Variants in TMEM132D observed in about 807,000 individuals in gnomAD.
The protein encoded by TMEM132D is mature OL transmembrane protein.
In TMEM132D, 21 loss-of-function variants were observed where a neutral mutation model predicts 62.3. The observed-to-expected ratio is 0.34, with a 90% CI of 0.24 to 0.49. The LOEUF is 0.49. Among genes scored for constraint, TMEM132D ranks in the 20% least tolerant of loss-of-function variants. The probability of loss-of-function intolerance (pLI) is 0.99; values close to 1 mark genes in which losing one functional copy is unlikely to be tolerated. For missense variants in TMEM132D, 1,346 were observed against 1,402.8 expected, an observed-to-expected ratio of 0.96 and a Z score of 0.65; for synonymous variants, 621 against 575.6, an observed-to-expected ratio of 1.08 and a Z score of -1.13.
rs529786018 is a variant in TMEM132D, at chr12:129,659,075, T to TG, written c.968+40734_968+40735insC. ...ATAACAATACATGGCTAATTTTTTT[T>TG]TTGTTGTTTGTTTGTTTGTAGGGAT... On this transcript the variant is annotated intron_variant, in intron 2 of 8. Transcript: ENST00000422113. 1.5e-3 allele frequency among the ~76,000 whole-genome samples: 229 copies of TG among 152,026 alleles called. 3 individuals carry two copies. The highest frequency in any genetic ancestry group is 8.7e-3 in the South Asian group (42 of 4,806).
chr12:129,424,707 CA>C (rs11385383), intron 3 of TMEM132D, among the ~76,000 whole-genome samples: 2,211 of 31,786 alleles, frequency 0.07, 17 homozygotes, highest in African/African-American at 0.22. Flanking sequence ...GACTCCATCT[CA>C]AAAAAAAAAA....
At chr12:129,731,333 A>C (rs1049526705) in intron 1 of TMEM132D, among the ~76,000 whole-genome samples, 4 of 152,142 alleles carry the variant, frequency 2.6e-5, no homozygotes, top group African/African-American at 7.2e-5. Flanking sequence ...AAAAAAATGC[A>C]TAGTATCTCA....
chr12:129,481,186 A>G (rs1385941915), intron 3 of TMEM132D, among the ~76,000 whole-genome samples: 1 of 151,938 alleles, frequency 6.6e-6, no homozygotes, highest in Non-Finnish European at 1.5e-5. Context: ...AAAAAAAAAG[A>G]AAAAAAAGAA....
chr12:129,676,000 A>C (rs1880619972), intron 2 of TMEM132D, among the ~76,000 whole-genome samples: 1 of 152,200 alleles, frequency 6.6e-6, no homozygotes, highest in South Asian at 2.1e-4. Context: ...CTTTGGCTTT[A>C]AATTAATCAA....
At chr12:129,276,688 G>A (rs1418468007) in intron 4 of TMEM132D, among the ~76,000 whole-genome samples, 1 of 152,162 alleles carries the variant, frequency 6.6e-6, no homozygotes, top group Non-Finnish European at 1.5e-5. Context: ...CACTTACGCC[G>A]ATAGTTTTAA....
At chr12:129,859,478 T>C (rs890815503) in intron 1 of TMEM132D, among the ~76,000 whole-genome samples, 5 of 152,208 alleles carry the variant, frequency 3.3e-5, no homozygotes, top group African/African-American at 4.8e-5. Flanking sequence ...GTCAACGTGA[T>C]TGAAGGATGC....
chr12:129,619,256 C>A (rs962581463), intron 2 of TMEM132D, among the ~76,000 whole-genome samples: 6 of 152,104 alleles, frequency 3.9e-5, no homozygotes, highest in African/African-American at 9.7e-5. Context: ...GGTCGAGGGG[C>A]CTTCGAATTT....
intron 4 of TMEM132D, among the ~76,000 whole-genome samples, chr12:129,319,353 T>C (rs563235250): frequency 6.6e-6 from 1 of 152,276 alleles, no homozygotes; most frequent in South Asian, 2.1e-4. Flanking sequence ...TAGAAACTTC[T>C]TCCACAAACA....
In TMEM132D at chr12:129,373,736, C is replaced by T. The variant is rs546211124; in HGVS notation, c.1116-35919G>A. ...GGCATACACATTTCCTTCTTATGTT[C>T]AGTGGTTCATCTGTACTGCATTTAG... On this transcript the variant is annotated intron_variant, in intron 3 of 8. Transcript: ENST00000422113. Among the ~76,000 whole-genome samples the T allele has an allele frequency of 3.9e-5, 6 of 152,280 alleles. No individual in the cohort carries two copies. In the South Asian group the frequency reaches 1.2e-3, roughly 32 times the overall value.
intron 2 of TMEM132D, among the ~76,000 whole-genome samples, chr12:129,592,195 T>C (rs916607202): frequency 2.7e-5 from 4 of 149,460 alleles, no homozygotes; most frequent in African/African-American, 9.9e-5. Context: ...TGTAAGAAAC[T>C]ACTGAATATA....
At chr12:129,466,962 A>T (rs769569160) in intron 3 of TMEM132D, among the ~76,000 whole-genome samples, 1 of 152,224 alleles carries the variant, frequency 6.6e-6, no homozygotes, top group Non-Finnish European at 1.5e-5. Flanking sequence ...AATTATTTAC[A>T]TCTCCCCTTT....
chr12:129,804,900 GACAA>G (rs1265367307), intron 1 of TMEM132D, among the ~76,000 whole-genome samples: 1 of 92,994 alleles, frequency 1.1e-5, no homozygotes, highest in Non-Finnish European at 2.3e-5. Context: ...ACCAACAACA[GACAA>G]ACAGAGAGCC....
chr12:129,752,283 A>G (rs540717984), intron 1 of TMEM132D, among the ~76,000 whole-genome samples: 1 of 152,346 alleles, frequency 6.6e-6, no homozygotes, highest in South Asian at 2.1e-4. Context: ...TTATCGGAAT[A>G]TAACTGAAAA....
chr12:129,473,079 G>A (rs1030986631), intron 3 of TMEM132D, among the ~76,000 whole-genome samples: 1 of 151,980 alleles, frequency 6.6e-6, no homozygotes, highest in Non-Finnish European at 1.5e-5. Flanking sequence ...TGGTCAGGCT[G>A]GTCTCGAACT....
chr12:129,580,976 C>A (rs1295887233), intron 2 of TMEM132D, among the ~76,000 whole-genome samples: 2 of 152,154 alleles, frequency 1.3e-5, no homozygotes, highest in African/African-American at 4.8e-5. Context: ...ACATTACTGG[C>A]AAATGCTGTA....
chr12:129,345,215 C>T (rs913336415), intron 3 of TMEM132D, among the ~76,000 whole-genome samples: 5 of 152,122 alleles, frequency 3.3e-5, no homozygotes, highest in Admixed American at 2.0e-4. Context: ...AGTTCACTTA[C>T]GTTATTTGGA....
intron 2 of TMEM132D, among the ~76,000 whole-genome samples, chr12:129,684,003 A>C (rs1317372097): frequency 6.6e-6 from 1 of 152,214 alleles, no homozygotes; most frequent in Non-Finnish European, 1.5e-5. Flanking sequence ...TGAAAAGTCA[A>C]CTCAAGGTTA....
chr12:129,119,597 G>A (rs1362519377), intron 5 of TMEM132D, among the ~76,000 whole-genome samples: 1 of 152,164 alleles, frequency 6.6e-6, no homozygotes, highest in African/African-American at 2.4e-5. Context: ...CTGAAAGCCT[G>A]AAAAAGGTAA....
intron 2 of TMEM132D, among the ~76,000 whole-genome samples, chr12:129,559,200 T>C (rs906489462): frequency 1.2e-4 from 18 of 152,082 alleles, no homozygotes; most frequent in Admixed American, 7.9e-4. Flanking sequence ...ATTTATAAAG[T>C]AGGTACAAAG....
Sources: gnomAD v4.1 joint callset for allele counts (sites outside exome capture counted in the v4.1 genomes callset) on GRCh38, gnomAD v4.1.1 for gene constraint, MANE v1.5 for transcripts, NCBI Gene and HGNC (gene_info 2026-07-23, HGNC 2026-07-21) for gene names.